The following SLIT3 variants were observed in gnomAD, a reference collection of about 807,000 sequenced individuals.
SLIT3 encodes slit guidance ligand 3.
SLIT3 carries 68 observed loss-of-function variants against 184.0 expected under a neutral mutation model. The ratio of observed to expected loss-of-function variants is 0.37; its 90% CI spans 0.30 to 0.45. SLIT3 has a LOEUF of 0.45. Ranked by LOEUF, SLIT3 falls within the 20% of genes least tolerant of loss-of-function variation. The pLI, the probability that SLIT3 is intolerant of heterozygous loss-of-function variation, is 1.00. For synonymous variants in SLIT3, 831 were observed against 828.6 expected, an observed-to-expected ratio of 1.00 and a Z score of -0.05; for missense variants, 1,707 against 2,026.0, an observed-to-expected ratio of 0.84 and a Z score of 3.02.
intron 4 of SLIT3, among the ~76,000 whole-genome samples, chr5:169,099,660 C>T (rs1037742005): frequency 8.5e-5 from 13 of 152,206 alleles, no homozygotes; most frequent in African/African-American, 3.1e-4. Flanking sequence ...AGTCTGCCTT[C>T]CCAGCTCATC....
At chr5:168,704,097 A>C (rs1044593417) in intron 26 of SLIT3, among the ~76,000 whole-genome samples, 1 of 144,450 alleles carries the variant, frequency 6.9e-6, no homozygotes, top group East Asian at 2.4e-4. Context: ...GGAGCTGATT[A>C]AAAAAAAAAA....
At chr5:169,207,463 G>A (rs540781596) in intron 3 of SLIT3, among the ~76,000 whole-genome samples, 2 of 151,850 alleles carry the variant, frequency 1.3e-5, no homozygotes, top group African/African-American at 4.8e-5. Flanking sequence ...CTCCAAGTTA[G>A]AGCCAGTATA....
intron 3 of SLIT3, among the ~76,000 whole-genome samples, chr5:169,197,794 C>A (rs1763785540): frequency 6.6e-6 from 1 of 151,392 alleles, no homozygotes; most frequent in Non-Finnish European, 1.5e-5. Flanking sequence ...CCTGATGCAA[C>A]AATGGGGAGC....
intron 4 of SLIT3, among the ~76,000 whole-genome samples, chr5:169,095,083 T>A (rs996439849): frequency 6.6e-6 from 1 of 152,192 alleles, no homozygotes; most frequent in East Asian, 1.9e-4. Flanking sequence ...TTGAAAATAA[T>A]CTCGGTAGTT....
intron 4 of SLIT3, among the ~76,000 whole-genome samples, chr5:169,102,344 T>C (rs896575114): frequency 6.6e-6 from 1 of 152,168 alleles, no homozygotes; most frequent in African/African-American, 2.4e-5. Flanking sequence ...TTCATGAATA[T>C]ATATACAGTT....
At chr5:168,740,627 A>T (rs766275720) in intron 20 of SLIT3, among the ~76,000 whole-genome samples, 10 of 152,064 alleles carry the variant, frequency 6.6e-5, no homozygotes, top group Non-Finnish European at 1.3e-4. Flanking sequence ...TTTGACACTC[A>T]TTCTCCTGCT....
intron 9 of SLIT3, among the ~76,000 whole-genome samples, chr5:168,804,885 CA>C (rs1756904326): frequency 1.3e-5 from 2 of 152,126 alleles, no homozygotes; most frequent in African/African-American, 4.8e-5. Context: ...CCCCTGTTAC[CA>C]TCCCTTTTGT....
chr5:168,665,207 TC>T lies in SLIT3; in HGVS notation c.*1246del, dbSNP rs1401130321. ...TAGTGAACCCAGCTCTACTCCCTTA[TC>T]CTTCCCAGGGAGGCAGGGGTTGCAT... On this transcript the variant is annotated 3_prime_UTR_variant, in exon 36 of 36. Transcript: ENST00000519560. 1 of 152,196 alleles carries T rather than the reference TC, an allele frequency of 6.6e-6. No individual in the cohort carries two copies. The highest frequency in any genetic ancestry group is 1.5e-5 in the Non-Finnish European group (1 of 68,050). 9.4% of individuals were successfully genotyped at this position (152,196 alleles called of 1,614,324 possible).
intron 20 of SLIT3, among the ~76,000 whole-genome samples, chr5:168,734,683 G>A (rs2113408140): frequency 6.6e-6 from 1 of 152,312 alleles, no homozygotes; most frequent in East Asian, 1.9e-4. Context: ...GACAGCCAAA[G>A]CATTGGCTGT....
At chr5:168,835,499 T>C (rs1269628668) in intron 6 of SLIT3, among the ~76,000 whole-genome samples, 1 of 151,636 alleles carries the variant, frequency 6.6e-6, no homozygotes, top group African/African-American at 2.4e-5. Context: ...AAAAGTGTTG[T>C]TTTTTTGTTT....
At chr5:168,818,748 A>G (rs1222832853) in intron 7 of SLIT3, among the ~76,000 whole-genome samples, 2 of 152,200 alleles carry the variant, frequency 1.3e-5, no homozygotes, top group Non-Finnish European at 2.9e-5. Context: ...AGCTCCACTT[A>G]GTGTAAGGTC....
At chr5:168,968,000 C>T (rs1043663350) in intron 4 of SLIT3, among the ~76,000 whole-genome samples, 1 of 152,222 alleles carries the variant, frequency 6.6e-6, no homozygotes, top group African/African-American at 2.4e-5. Flanking sequence ...CTCTGGCAGG[C>T]ATTCAAATTC....
At chr5:168,854,044 C>T (rs1041271949) in intron 5 of SLIT3, among the ~76,000 whole-genome samples, 32 of 152,052 alleles carry the variant, frequency 2.1e-4, no homozygotes, top group Non-Finnish European at 4.1e-4. Flanking sequence ...AGGAGAAAAC[C>T]GAGGTTCAGA....
chr5:168,775,038 A>ATTTTT (rs34335250), intron 12 of SLIT3, among the ~76,000 whole-genome samples: 2 of 135,592 alleles, frequency 1.5e-5, no homozygotes, highest in South Asian at 4.8e-4. Flanking sequence ...CCACCACTGC[A>ATTTTT]TTTTTTTTTT....
intron 1 of SLIT3, among the ~76,000 whole-genome samples, chr5:169,290,658 G>A (rs1296387916): frequency 2.4e-5 from 3 of 123,204 alleles, no homozygotes; most frequent in Admixed American, 8.2e-5. Flanking sequence ...GCTAGGGCAC[G>A]CACTAGGGCA....
At chr5:168,827,273 C>T (rs879794815) in intron 6 of SLIT3, among the ~76,000 whole-genome samples, 47 of 151,994 alleles carry the variant, frequency 3.1e-4, no homozygotes, top group African/African-American at 8.5e-4. Context: ...TATTCTCTTA[C>T]AGTTTTGCAG....
intron 4 of SLIT3, among the ~76,000 whole-genome samples, chr5:169,136,054 G>T (rs1324785420): frequency 6.6e-6 from 1 of 152,110 alleles, no homozygotes. Flanking sequence ...TAAGGAAATA[G>T]GTCAGAAAAC....
chr5:169,133,988 T>C (rs1761402164), intron 4 of SLIT3, among the ~76,000 whole-genome samples: 2 of 152,224 alleles, frequency 1.3e-5, no homozygotes, highest in African/African-American at 4.8e-5. Context: ...AATTTTTACA[T>C]GTAGCAGCCT....
At chr5:169,113,980 C>G (rs1363018286) in intron 4 of SLIT3, among the ~76,000 whole-genome samples, 5 of 152,122 alleles carry the variant, frequency 3.3e-5, no homozygotes, top group Non-Finnish European at 4.4e-5. Flanking sequence ...ATAACTGAAT[C>G]AATCAAGTGA....
Sources: gnomAD v4.1 joint callset for allele counts (sites outside exome capture counted in the v4.1 genomes callset) on GRCh38, gnomAD v4.1.1 for gene constraint, MANE v1.5 for transcripts, NCBI Gene and HGNC (gene_info 2026-07-23, HGNC 2026-07-21) for gene names.